The following BAZ2B variants were observed in gnomAD, a reference collection of about 807,000 sequenced individuals.
The protein encoded by BAZ2B is bromodomain adjacent to zinc finger domain protein 2B.
A neutral mutation model predicts 246.0 loss-of-function variants in BAZ2B; 91 were observed. The observed-to-expected ratio is 0.37, with a 90% CI of 0.31 to 0.44. The LOEUF (loss-of-function observed/expected upper bound fraction) is 0.44. Among genes scored for constraint, BAZ2B ranks in the 20% least tolerant of loss-of-function variants. The pLI is 1.00. For synonymous variants in BAZ2B, 855 were observed against 860.0 expected (o/e 0.99, Z 0.10); for missense variants, 2,332 against 2,533.7 (o/e 0.92, Z 1.71).
chr2:159,452,933 C>G (rs1270818682), intron 4 of BAZ2B, among the ~76,000 whole-genome samples: 3 of 152,150 alleles, frequency 2.0e-5, no homozygotes, highest in Non-Finnish European at 4.4e-5. Context: ...AACCCCGTCT[C>G]TACTAAAAAT....
intron 27 of BAZ2B, among the ~76,000 whole-genome samples, chr2:159,353,706 TTCCCG>T (rs2058793050): frequency 3.9e-5 from 6 of 152,178 alleles, no homozygotes; most frequent in South Asian, 2.1e-4. Flanking sequence ...CTGGGAATAG[TTCCCG>T]TTCCTACCCA....
intron 2 of BAZ2B, among the ~76,000 whole-genome samples, chr2:159,509,495 T>C (rs2082684904): frequency 1.3e-5 from 2 of 152,300 alleles, no homozygotes; most frequent in African/African-American, 2.4e-5. Context: ...ATGGCTTTTT[T>C]CCTCTCTTTT....
chr2:159,706,332 T>G, the BAZ2B span, among the ~76,000 whole-genome samples: 1 of 152,180 alleles, frequency 6.6e-6, no homozygotes, highest in Admixed American at 6.5e-5. Flanking sequence ...TTTATAAAAT[T>G]GTACACAAAT....
At chr2:159,380,340 G>A (rs576148052) in intron 25 of BAZ2B, among the ~76,000 whole-genome samples, 1 of 152,180 alleles carries the variant, frequency 6.6e-6, no homozygotes, top group South Asian at 2.1e-4. Context: ...AGCCTGGTAG[G>A]TGTGCTCATC....
chr2:159,397,172 CA>C, intron 19 of BAZ2B, 172 bp downstream of exon 19: 2 of 1,396,918 alleles, frequency 1.4e-6, no homozygotes, highest in South Asian at 1.3e-5. Context: ...TTTAACCCCC[CA>C]AAAAGACACC....
the BAZ2B span, among the ~76,000 whole-genome samples, chr2:159,623,071 G>C: frequency 6.8e-6 from 1 of 147,636 alleles, no homozygotes; most frequent in East Asian, 2.0e-4. Flanking sequence ...GAAGGGAAGA[G>C]AAGGGAAGGG....
chr2:159,444,164 C>T (rs7563869), intron 6 of BAZ2B: 73,742 of 151,808 alleles, frequency 0.49, 18,712 homozygotes, highest in Middle Eastern at 0.6. Context: ...GCGCTTACAC[C>T]GAGACTGCCA....
chr2:159,587,796 T>C (rs1263605266), intron 1 of BAZ2B, among the ~76,000 whole-genome samples: 1 of 152,182 alleles, frequency 6.6e-6, no homozygotes, highest in Admixed American at 6.5e-5. Context: ...ACCACGTTAT[T>C]CATCTCTGTA....
At chr2:159,499,611 A>G (rs551658733) in intron 2 of BAZ2B, among the ~76,000 whole-genome samples, 2 of 152,284 alleles carry the variant, frequency 1.3e-5, no homozygotes, top group South Asian at 2.1e-4. Context: ...TGTCTTCCAC[A>G]TGGCTGAACT....
intron 2 of BAZ2B, among the ~76,000 whole-genome samples, chr2:159,497,642 T>G (rs974848689): frequency 6.6e-6 from 1 of 152,122 alleles, no homozygotes; most frequent in African/African-American, 2.4e-5. Flanking sequence ...GTTGCTGAGA[T>G]TAAGAGATCC....
intron 6 of BAZ2B, among the ~76,000 whole-genome samples, chr2:159,441,463 C>T (rs2073370928): frequency 2.0e-5 from 3 of 151,988 alleles, no homozygotes. Context: ...TAAGGTAACA[C>T]ATTTAGTACT....
chr2:159,480,681 G>A (rs2079134633), intron 2 of BAZ2B, among the ~76,000 whole-genome samples: 1 of 151,872 alleles, frequency 6.6e-6, no homozygotes, highest in African/African-American at 2.4e-5. Context: ...ATTTAAAACT[G>A]GCAATGAGAG....
chr2:159,403,558 T>C (rs1408868835), intron 16 of BAZ2B, among the ~76,000 whole-genome samples: 1 of 152,122 alleles, frequency 6.6e-6, no homozygotes, highest in Admixed American at 6.5e-5. Context: ...ATGAACTTAT[T>C]TTTTCATATA....
chr2:159,534,060 G>T (rs2085661574), intron 2 of BAZ2B, among the ~76,000 whole-genome samples: 3 of 152,040 alleles, frequency 2.0e-5, no homozygotes, highest in African/African-American at 7.2e-5. Context: ...GTTATTTTTT[G>T]CACAATGATT....
At position 159,324,811 on chromosome 2, in the gene BAZ2B, T is replaced by C; in HGVS notation, c.6353A>G (p.Gln2118Arg). 1 of 1,488,778 alleles carries C rather than the reference T, an allele frequency of 6.7e-7. No homozygotes were observed. Among genetic ancestry groups the C allele is most frequent in the Non-Finnish European group, 8.9e-7 (1 of 1,124,118 alleles). 92.2% of individuals were successfully genotyped at this position (1,488,778 alleles called of 1,614,324 possible). ...STIREKLSSG[Q>R]YPNLETFALD... is the part of the protein sequence containing the mutation. ...TAGTGAACTGAAATGATTTACTTAC[T>C]GTCCACTACTTAGTTTCTCTCTAAT... Residue 2118 changes from glutamine (Q) to arginine (R), a missense_variant and splice_region_variant, in exon 36 of 37, where the codon CAG (glutamine) becomes CGG (arginine). Coordinates refer to ENST00000392783, the MANE Select transcript of BAZ2B (RefSeq NM_013450.4).
At chr2:159,519,638 G>A (rs909124293) in intron 2 of BAZ2B, among the ~76,000 whole-genome samples, 1 of 148,698 alleles carries the variant, frequency 6.7e-6, no homozygotes, top group South Asian at 2.1e-4. Context: ...ACATTGGTAG[G>A]TAGGTCCAGA....
chr2:159,336,866 T>C lies in BAZ2B; in HGVS notation c.5796+76A>G, dbSNP rs2065763582. 6 of 1,278,578 alleles carry C rather than the reference T, an allele frequency of 4.7e-6. No homozygotes were observed. In the East Asian group the frequency reaches 1.3e-4, roughly 27 times the overall value. 79.2% of individuals were successfully genotyped at this position (1,278,578 alleles called of 1,614,324 possible). On this transcript the variant is annotated intron_variant, in intron 33 of 36. Transcript: ENST00000392783. The stretch of plus-strand genomic sequence containing the variant: ...TATTATGACAATAGGTAATGTATAA[T>C]TAAGAAAGATCTGGAGGTTGGAAGA...
At chr2:159,648,379 C>A in the BAZ2B span, among the ~76,000 whole-genome samples, 2 of 152,008 alleles carry the variant, frequency 1.3e-5, no homozygotes, top group Non-Finnish European at 2.9e-5. Flanking sequence ...CTCAACTAAT[C>A]CACCTGCCTC....
chr2:159,417,853 C>T (rs911360918), intron 13 of BAZ2B, among the ~76,000 whole-genome samples: 1 of 152,126 alleles, frequency 6.6e-6, no homozygotes, highest in Non-Finnish European at 1.5e-5. Context: ...ACCACACCCT[C>T]AGTAATGCAT....
Sources: allele counts gnomAD v4.1 joint callset (sites outside exome capture counted in the v4.1 genomes callset), GRCh38; gene constraint gnomAD v4.1.1; transcripts MANE v1.5; gene names NCBI Gene and HGNC (gene_info 2026-07-23, HGNC 2026-07-21).